PRELID2: variants seen among roughly 807,000 people sequenced by gnomAD.
PRELID2 encodes the protein PRELI domain containing 2.
Under a neutral mutation model 28.4 loss-of-function variants are expected in PRELID2, and 25 were observed. That is an observed-to-expected ratio of 0.88 (90% CI 0.64 to 1.23). The LOEUF is 1.23. Among genes scored for constraint, PRELID2 ranks in the 50% most tolerant of loss-of-function variants. The probability of loss-of-function intolerance (pLI) is 0.00; values close to 1 mark genes in which losing one functional copy is unlikely to be tolerated. For missense variants in PRELID2, 201 were observed against 214.4 expected, an observed-to-expected ratio of 0.94 and a Z score of 0.39; for synonymous variants, 76 against 71.6, an observed-to-expected ratio of 1.06 and a Z score of -0.31.
At position 145,820,130 on chromosome 5, in the gene PRELID2, T is replaced by G. The variant is rs562284535; in HGVS notation, c.134-112A>C. ...TTTTGTTTTTTGTTTTTTGTTTTTT[T>G]TTTTTGAGACACCCAGGCTGGAGTG... On this transcript the variant is annotated intron_variant, in intron 2 of 6. Coordinates refer to ENST00000683046, the MANE Select transcript of PRELID2 (RefSeq NM_205846.3). The G allele has an allele frequency of 1.0e-4, 63 of 629,396 alleles. No homozygotes were observed. In the East Asian group the frequency reaches 1.5e-3, roughly 15 times the overall value. The allele number at this position is 629,396 out of a possible 1,614,324, so 39.0% of individuals were successfully genotyped here. A position where few individuals can be genotyped will look rare whatever the true frequency, so the allele number is the denominator to read the frequency against.
At chr5:145,254,385 A>G in the PRELID2 span, among the ~76,000 whole-genome samples, 1 of 152,140 alleles carries the variant, frequency 6.6e-6, no homozygotes, top group South Asian at 2.1e-4. Context: ...TAAAGCTGCC[A>G]GTGATGATTA....
chr5:145,734,254 C>T (rs114390402), intron 1 of PRELID2, among the ~76,000 whole-genome samples: 217 of 152,180 alleles, frequency 1.4e-3, no homozygotes, highest in African/African-American at 4.7e-3. Context: ...TAGCTGGGAC[C>T]ACAGGTATGA....
At chr5:145,588,250 A>C (rs915817838) in intron 1 of PRELID2, among the ~76,000 whole-genome samples, 3 of 152,058 alleles carry the variant, frequency 2.0e-5, no homozygotes, top group African/African-American at 7.2e-5. Flanking sequence ...TTTTCTTATG[A>C]TACAAGTAAG....
the PRELID2 span, among the ~76,000 whole-genome samples, chr5:145,382,941 A>G: frequency 6.6e-6 from 1 of 152,052 alleles, no homozygotes; most frequent in Admixed American, 6.6e-5. Flanking sequence ...ACAATGATCT[A>G]TATTAAAACC....
At chr5:145,418,311 G>C in the PRELID2 span, among the ~76,000 whole-genome samples, 1 of 152,058 alleles carries the variant, frequency 6.6e-6, no homozygotes, top group South Asian at 2.1e-4. Flanking sequence ...TGGCCATCCA[G>C]TACAAAGTAA....
At chr5:145,832,005 G>A (rs34770524) in intron 1 of PRELID2, among the ~76,000 whole-genome samples, 21,999 of 152,112 alleles carry the variant, frequency 0.14, 1,776 homozygotes, top group South Asian at 0.21. Context: ...AAGTCGCTAC[G>A]TTTTGGAGTG....
chr5:145,482,136 G>A (rs1752167442), intron 1 of PRELID2, among the ~76,000 whole-genome samples: 1 of 152,072 alleles, frequency 6.6e-6, no homozygotes, highest in South Asian at 2.1e-4. Context: ...TGTAGCTGTT[G>A]TGCTATGTGC....
chr5:145,418,886 C>T, the PRELID2 span, among the ~76,000 whole-genome samples: 542 of 146,594 alleles, frequency 3.7e-3, 4 homozygotes, highest in South Asian at 6.9e-3. Context: ...CCCCTACCCC[C>T]ACCCCACAAC....
intron 1 of PRELID2, among the ~76,000 whole-genome samples, chr5:145,550,000 T>C (rs1482202867): frequency 6.6e-6 from 1 of 151,654 alleles, no homozygotes; most frequent in Non-Finnish European, 1.5e-5. Context: ...TTGAGGAGGG[T>C]GGGAAGGCAG....
At chr5:145,732,466 G>T (rs1756373249) in intron 1 of PRELID2, among the ~76,000 whole-genome samples, 1 of 152,190 alleles carries the variant, frequency 6.6e-6, no homozygotes, top group African/African-American at 2.4e-5. Context: ...GCACTGTCCT[G>T]CACAAATGTG....
At chr5:145,561,208 A>C (rs1296468893) in intron 1 of PRELID2, among the ~76,000 whole-genome samples, 3 of 152,246 alleles carry the variant, frequency 2.0e-5, no homozygotes, top group Non-Finnish European at 2.9e-5. Context: ...ATTTTGACTC[A>C]TAATTTCCAG....
the PRELID2 span, among the ~76,000 whole-genome samples, chr5:145,313,083 A>C: frequency 6.6e-6 from 1 of 152,136 alleles, no homozygotes; most frequent in Non-Finnish European, 1.5e-5. Flanking sequence ...ATCTTTAGCA[A>C]TTCTGCATTT....
chr5:145,247,535 G>A, the PRELID2 span, among the ~76,000 whole-genome samples: 4 of 152,066 alleles, frequency 2.6e-5, no homozygotes, highest in Non-Finnish European at 4.4e-5. Flanking sequence ...TTTTTCTATG[G>A]TCTTCTGTCC....
intron 5 of PRELID2, among the ~76,000 whole-genome samples, chr5:145,789,236 T>C (rs1464132891): frequency 6.6e-6 from 1 of 152,150 alleles, no homozygotes; most frequent in Non-Finnish European, 1.5e-5. Flanking sequence ...TCACACTCTC[T>C]CTTTTCAAAA....
chr5:145,308,715 A>T, the PRELID2 span, among the ~76,000 whole-genome samples: 1 of 152,254 alleles, frequency 6.6e-6, no homozygotes, highest in Admixed American at 6.5e-5. Context: ...GCCTTAACAT[A>T]TAGTAGATAA....
chr5:145,233,331 G>A, the PRELID2 span, among the ~76,000 whole-genome samples: 2 of 152,060 alleles, frequency 1.3e-5, no homozygotes, highest in African/African-American at 4.8e-5. Flanking sequence ...CACATACATA[G>A]TATTCCAGGT....
At chr5:145,269,678 T>C in the PRELID2 span, among the ~76,000 whole-genome samples, 1 of 150,878 alleles carries the variant, frequency 6.6e-6, no homozygotes, top group Non-Finnish European at 1.5e-5. Flanking sequence ...AAAGACACCA[T>C]TAAGAAGAGA....
At chr5:145,819,451 T>G (rs1320995123) in intron 3 of PRELID2, 1 of 1,384,400 alleles carries the variant, frequency 7.2e-7, no homozygotes, top group Admixed American at 1.8e-5. Context: ...TCATGAAGAT[T>G]TCATCATCAA....
intron 1 of PRELID2, among the ~76,000 whole-genome samples, chr5:145,657,023 T>C (rs780375627): frequency 1.3e-5 from 2 of 152,180 alleles, no homozygotes; most frequent in Admixed American, 6.5e-5. Flanking sequence ...GTACAGTGCC[T>C]GGAACATGCT....
Sources: allele counts gnomAD v4.1 joint callset (sites outside exome capture counted in the v4.1 genomes callset), GRCh38; gene constraint gnomAD v4.1.1; transcripts MANE v1.5; gene names NCBI Gene and HGNC (gene_info 2026-07-23, HGNC 2026-07-21).